The following SOCS7 variants were observed in gnomAD, a reference collection of about 807,000 sequenced individuals.
The protein encoded by SOCS7 is NAP-4.
A neutral mutation model predicts 58.9 loss-of-function variants in SOCS7; 18 were observed. That is an observed-to-expected ratio of 0.31 (90% CI 0.21 to 0.45). The LOEUF is 0.45. Ranked by LOEUF, SOCS7 falls within the 20% of genes least tolerant of loss-of-function variation. The pLI, the probability that SOCS7 is intolerant of heterozygous loss-of-function variation, is 1.00. For missense variants in SOCS7, 667 were observed against 837.3 expected, an observed-to-expected ratio of 0.80 and a Z score of 2.51; for synonymous variants, 388 against 364.3, an observed-to-expected ratio of 1.06 and a Z score of -0.74.
At chr17:38,383,391 G>A (rs897794418) in intron 7 of SOCS7, among the ~76,000 whole-genome samples, 1 of 152,120 alleles carries the variant, frequency 6.6e-6, no homozygotes, top group African/African-American at 2.4e-5. Flanking sequence ...TGGTATCTCT[G>A]GTGTTCTCCT....
intron 6 of SOCS7, among the ~76,000 whole-genome samples, chr17:38,377,382 T>C (rs2037945188): frequency 6.6e-6 from 1 of 152,194 alleles, no homozygotes; most frequent in Non-Finnish European, 1.5e-5. Flanking sequence ...TTAGTAATGT[T>C]CAACTGGTAA....
chr17:38,353,334 G>A (rs1206847597), intron 1 of SOCS7, among the ~76,000 whole-genome samples: 1 of 152,164 alleles, frequency 6.6e-6, no homozygotes, highest in East Asian at 1.9e-4. Flanking sequence ...TTTCCAAGGC[G>A]GCTGTGTGCC....
intron 6 of SOCS7, among the ~76,000 whole-genome samples, chr17:38,373,041 G>T (rs1266633404): frequency 6.6e-6 from 1 of 152,078 alleles, no homozygotes; most frequent in Non-Finnish European, 1.5e-5. Flanking sequence ...GGGAGGCAGA[G>T]GTTGTGGTGA....
intron 7 of SOCS7, among the ~76,000 whole-genome samples, chr17:38,381,656 G>GT (rs1254587041): frequency 2.0e-5 from 3 of 152,058 alleles, no homozygotes; most frequent in Non-Finnish European, 4.4e-5. Context: ...GCTGGATGCA[G>GT]TAGGAGGGTG....
At chr17:38,393,902 A>AAAAC (rs962930586) in intron 7 of SOCS7, among the ~76,000 whole-genome samples, 92 of 152,332 alleles carry the variant, frequency 6.0e-4, no homozygotes, top group African/African-American at 2.2e-3. Context: ...TCCGCCTCAA[A>AAAAC]AAACAAACAA....
At chr17:38,396,933 C>T (rs1346530985) in intron 9 of SOCS7, among the ~76,000 whole-genome samples, 1 of 152,176 alleles carries the variant, frequency 6.6e-6, no homozygotes, top group Non-Finnish European at 1.5e-5. Flanking sequence ...AGGTGGATTT[C>T]TCTGCATGAT....
At chr17:38,397,516 A>G (rs963502921) in intron 9 of SOCS7, among the ~76,000 whole-genome samples, 1 of 152,164 alleles carries the variant, frequency 6.6e-6, no homozygotes. Flanking sequence ...CCCATGTCAC[A>G]GCAAAAAGAG....
rs1555568592 is a variant in SOCS7, at chr17:38,367,766, T to C, written c.1384-116T>C. 4.6e-6 allele frequency: 4 copies of C among 874,906 alleles called. No homozygotes were observed. In the Admixed American group the frequency reaches 1.1e-4, roughly 23 times the overall value. The allele number at this position is 874,906 out of a possible 1,614,324, so 54.2% of individuals were successfully genotyped here. A position where few individuals can be genotyped will look rare whatever the true frequency, so the allele number is the denominator to read the frequency against. On this transcript the variant is annotated intron_variant, in intron 5 of 9. Transcript: ENST00000612932. ...GAGACACTTGTAAGTGGCTTTTACCTATTGAAATATTTTGGAGAGAATGCA... is the reference window on the plus strand; with the variant it reads ...GAGACACTTGTAAGTGGCTTTTACCCATTGAAATATTTTGGAGAGAATGCA...
chr17:38,382,503 C>G (rs917333797), intron 7 of SOCS7, among the ~76,000 whole-genome samples: 3 of 148,946 alleles, frequency 2.0e-5, no homozygotes, highest in East Asian at 2.0e-4. Flanking sequence ...TTGTTTGTTT[C>G]AAGATGGAGT....
intron 7 of SOCS7, among the ~76,000 whole-genome samples, chr17:38,389,382 A>G (rs2038120772): frequency 6.6e-6 from 1 of 152,114 alleles, no homozygotes; most frequent in Non-Finnish European, 1.5e-5. Flanking sequence ...ACAGGGAGAC[A>G]CTGTCTCTAC....
intron 1 of SOCS7, among the ~76,000 whole-genome samples, chr17:38,359,739 TTATATATA>T (rs71368481): frequency 6.8e-6 from 1 of 147,914 alleles, no homozygotes; most frequent in South Asian, 2.1e-4. Context: ...TGTTTTACTG[TTATATATA>T]TATATATATT....
At chr17:38,359,452 A>G (rs1045506805) in intron 1 of SOCS7, among the ~76,000 whole-genome samples, 2 of 152,228 alleles carry the variant, frequency 1.3e-5, no homozygotes, top group East Asian at 1.9e-4. Flanking sequence ...TAAGATCTTC[A>G]TGGTATGGTT....
At chr17:38,394,142 A>G (rs1250174958) in intron 7 of SOCS7, among the ~76,000 whole-genome samples, 2 of 152,154 alleles carry the variant, frequency 1.3e-5, no homozygotes, top group African/African-American at 4.8e-5. Context: ...GCCATTCTGG[A>G]TGTCTCCATG....
At chr17:38,353,126 T>G in intron 1 of SOCS7, 94 bp downstream of exon 1, 116 of 1,156,256 alleles carry the variant, frequency 1.0e-4, no homozygotes, top group Non-Finnish European at 1.3e-4. Flanking sequence ...GTTCTTAAGA[T>G]AGGGTCTTCA....
chr17:38,365,506 C>A, intron 4 of SOCS7, 97 bp downstream of exon 4: 1 of 738,562 alleles, frequency 1.4e-6, no homozygotes, highest in Non-Finnish European at 2.1e-6. Flanking sequence ...ATGGAAATAA[C>A]AGCTTAGTAG....
intron 6 of SOCS7, 122 bp from the exon 7 acceptor site, chr17:38,377,592 G>A (rs2037948332): frequency 2.5e-6 from 2 of 785,030 alleles, no homozygotes; most frequent in Middle Eastern, 3.5e-4. Flanking sequence ...AGAGACCTTT[G>A]AGCCAGCTTG....
chr17:38,352,807 C>A lies in SOCS7; in HGVS notation c.755C>A (p.Pro252His). Residue 252 changes from proline (P) to histidine (H), a missense_variant, in exon 1 of 10, where the codon CCT becomes CAT. By Grantham distance (77) the Pro-to-His change is moderately conservative. Transcript: ENST00000612932. This position sits in a 1 kb window ranked among gnomAD's most constrained non-coding sequence, Gnocchi z 5.5. ...CAGCAGCAGCAGCAGCAGCAGCAAC[C>A]TCCCCCGCCCCCGCCTCCTCCCGGG... ...GEQQQQQQQQ[P>H]PPPPPPPGPL... 1 of 1,546,236 alleles carries A rather than the reference C, an allele frequency of 6.5e-7. No homozygotes were observed. Among genetic ancestry groups the A allele is most frequent in the South Asian group, 1.2e-5 (1 of 84,026 alleles).
Position 38,402,803 on chromosome 17 carries a change from AC to A in SOCS7, c.*3322del, listed in dbSNP as rs561550691. Reference sequence around the variant, plus strand: ...GGAAAAGGCTTACATCTAGGGACCCACTGTTGATTCCTAAGTTGTGGGTGGG... The same window carrying A: ...GGAAAAGGCTTACATCTAGGGACCCATGTTGATTCCTAAGTTGTGGGTGGG... On this transcript the variant is annotated 3_prime_UTR_variant, in exon 10 of 10. Coordinates refer to ENST00000612932, the MANE Select transcript of SOCS7 (RefSeq NM_014598.4). The A allele has an allele frequency of 2.6e-4, 39 of 152,232 alleles. No individual in the cohort carries two copies. Among genetic ancestry groups the A allele is most frequent in the African/African-American group, 9.4e-4 (39 of 41,552 alleles). The allele number at this position is 152,232 out of a possible 1,614,324, so 9.4% of individuals were successfully genotyped here. A position where few individuals can be genotyped will look rare whatever the true frequency, so the allele number is the denominator to read the frequency against.
intron 7 of SOCS7, among the ~76,000 whole-genome samples, chr17:38,390,967 G>T (rs1191858190): frequency 6.6e-6 from 1 of 151,844 alleles, no homozygotes; most frequent in South Asian, 2.1e-4. Context: ...AAAGTGCTGG[G>T]ATTATAGGTA....
Sources: allele counts gnomAD v4.1 joint callset (sites outside exome capture counted in the v4.1 genomes callset), GRCh38; gene constraint gnomAD v4.1.1; non-coding constraint Gnocchi (gnomAD v3.1); transcripts MANE v1.5; gene names NCBI Gene and HGNC (gene_info 2026-07-23, HGNC 2026-07-21).